SULT2B1: variants seen among roughly 807,000 people sequenced by gnomAD.
SULT2B1 encodes the protein sulfotransferase 2B1.
Under a neutral mutation model 33.2 loss-of-function variants are expected in SULT2B1, and 16 were observed. That is an observed-to-expected ratio of 0.48 (90% CI 0.33 to 0.73). SULT2B1 has a LOEUF of 0.73. SULT2B1 is among the 30% of genes least tolerant of loss of function. SULT2B1 has a pLI of 0.02. For missense variants in SULT2B1, 500 were observed against 506.0 expected (o/e 0.99, Z 0.11); for synonymous variants, 186 against 200.5 (o/e 0.93, Z 0.61).
chr19:48,569,400 GATAAATTTT>G (rs1568405877), intron 1 of SULT2B1, among the ~76,000 whole-genome samples: 2 of 7,756 alleles, frequency 2.6e-4, no homozygotes, highest in African/African-American at 9.7e-4. Context: ...ATATATATAT[GATAAATTTT>G]AGATAAATTT....
At chr19:48,585,636 T>C (rs1973550941) in intron 2 of SULT2B1, among the ~76,000 whole-genome samples, 1 of 148,028 alleles carries the variant, frequency 6.8e-6, no homozygotes, top group Non-Finnish European at 1.5e-5. Context: ...GCCATTGCAC[T>C]CCAGCTTGGG....
At chr19:48,594,202 G>C (rs759261952) in intron 5 of SULT2B1, among the ~76,000 whole-genome samples, 1 of 151,932 alleles carries the variant, frequency 6.6e-6, no homozygotes, top group Admixed American at 6.6e-5. Flanking sequence ...TGGAGGTTGC[G>C]GTGAGCCAAG....
rs367805618 is a variant in SULT2B1, at chr19:48,599,413, C to T, written c.*7C>T. 9.0e-6 allele frequency: 14 copies of T among 1,549,822 alleles called. No homozygotes were observed. Among genetic ancestry groups the T allele is most frequent in the South Asian group, 2.4e-5 (2 of 84,080 alleles). On this transcript the variant is annotated 3_prime_UTR_variant, in exon 7 of 7. Transcript: ENST00000201586. The surrounding 1 kb of genome is among the most constrained non-coding windows in gnomAD (Gnocchi z 4.1). ...GCACCCACGACCCTCATAATAAACACGTCGATTCTGTCCAGGTTCCTTGAT... is the reference window on the plus strand; with the variant it reads ...GCACCCACGACCCTCATAATAAACATGTCGATTCTGTCCAGGTTCCTTGAT...
chr19:48,585,226 G>A (rs1350107858), intron 2 of SULT2B1, among the ~76,000 whole-genome samples: 3 of 152,006 alleles, frequency 2.0e-5, no homozygotes, highest in Non-Finnish European at 4.4e-5. Context: ...AGAATTAAAT[G>A]CAATGAATAC....
intron 1 of SULT2B1, among the ~76,000 whole-genome samples, chr19:48,568,117 T>G (rs1973268452): frequency 6.7e-6 from 1 of 149,892 alleles, no homozygotes; most frequent in Admixed American, 6.6e-5. Context: ...TACAAAAAAT[T>G]TAAGAATTAG....
In SULT2B1 at chr19:48,576,032, AC is replaced by A. The variant is rs780199817; in HGVS notation, c.166del (p.Gln56LysfsTer21). Reference protein sequence around the residue: ...SLESISLAENTQDVRDDDIFI... With the variant: ...SLESISLAENXQDVRDDDIFI... ...CGAGAGCATCAGCTTGGCGGAGAAC[AC>A]CCAAGATGTGCGGGACGACGACATC... On this transcript the variant is annotated frameshift_variant, in exon 2 of 7. Coordinates refer to ENST00000201586, the MANE Select transcript of SULT2B1 (RefSeq NM_177973.2). LOFTEE classifies it high-confidence loss of function. 6.2e-6 allele frequency: 10 copies of A among 1,613,552 alleles called. No homozygotes were observed. Among genetic ancestry groups the A allele is most frequent in the African/African-American group, 4.0e-5 (3 of 74,812 alleles).
chr19:48,578,305 A>T (rs1307567746), intron 2 of SULT2B1, among the ~76,000 whole-genome samples: 1 of 151,640 alleles, frequency 6.6e-6, no homozygotes, highest in Non-Finnish European at 1.5e-5. Flanking sequence ...TTTTCAGCCG[A>T]GCACAGTGGC....
chr19:48,596,474 GCTGTGACCTCTGCCCCCT>G (rs1483455399), intron 5 of SULT2B1: 50 of 359,134 alleles, frequency 1.4e-4, no homozygotes, highest in African/African-American at 4.3e-4. Flanking sequence ...TCTGCCCCCT[GCTGTGACCTCTGCCCCCT>G]GCTGTGACCT....
At chr19:48,584,646 T>C (rs1372137320) in intron 2 of SULT2B1, among the ~76,000 whole-genome samples, 1 of 152,228 alleles carries the variant, frequency 6.6e-6, no homozygotes, top group African/African-American at 2.4e-5. Context: ...GGCTTACGCC[T>C]GTAATCCCAG....
At chr19:48,579,665 G>A (rs1973460928) in intron 2 of SULT2B1, among the ~76,000 whole-genome samples, 1 of 137,968 alleles carries the variant, frequency 7.2e-6, no homozygotes, top group African/African-American at 2.7e-5. Context: ...GGAATGCAAT[G>A]GCGCAGTCTC....
chr19:48,570,268 C>T (rs1033617728), intron 1 of SULT2B1, among the ~76,000 whole-genome samples: 7 of 151,892 alleles, frequency 4.6e-5, no homozygotes, highest in African/African-American at 1.5e-4. Flanking sequence ...CAACCTCCAC[C>T]TCCCAGGTTC....
rs1451554141 is a variant in SULT2B1 at position 48,552,406 on chromosome 19, G to T, written c.71+83G>T. ...GGGAGCCGGGGACTGTGGCAAGGGT[G>T]GCCTCCAGCCACCCGCAGCCGCAGG... On this transcript the variant is annotated intron_variant, in intron 1 of 6. Transcript: ENST00000201586. The surrounding 1 kb of genome is among the most constrained non-coding windows in gnomAD (Gnocchi z 4.8). 17 of 1,474,640 alleles carry T rather than the reference G, an allele frequency of 1.2e-5. No homozygotes were observed. The Admixed American group carries it at 3.3e-4, about 29-fold the overall frequency. 91.3% of individuals were successfully genotyped at this position (1,474,640 alleles called of 1,614,324 possible).
chr19:48,576,278 A>C (rs1176666317), intron 2 of SULT2B1, among the ~76,000 whole-genome samples, 195 bp downstream of exon 2: 1 of 150,976 alleles, frequency 6.6e-6, no homozygotes, highest in Non-Finnish European at 1.5e-5. Context: ...GTCAGTTCTC[A>C]ACACTTCACC....
intron 1 of SULT2B1, among the ~76,000 whole-genome samples, chr19:48,558,924 G>A (rs1001989466): frequency 6.6e-6 from 1 of 152,034 alleles, no homozygotes; most frequent in African/African-American, 2.4e-5. Context: ...GACCTCGGAT[G>A]ATCCACCCGC....
chr19:48,555,309 C>CGG (rs1490973964), intron 1 of SULT2B1, among the ~76,000 whole-genome samples: 1 of 152,106 alleles, frequency 6.6e-6, no homozygotes, highest in African/African-American at 2.4e-5. Flanking sequence ...CCAGGCTGTT[C>CGG]TCGAACTCCT....
intron 2 of SULT2B1, among the ~76,000 whole-genome samples, chr19:48,577,797 G>A (rs2147613669): frequency 6.6e-6 from 1 of 152,320 alleles, no homozygotes; most frequent in Non-Finnish European, 1.5e-5. Context: ...AAAGAAGGCT[G>A]CAACTCTCCA....
chr19:48,579,753 C>A (rs1411660377), intron 2 of SULT2B1, among the ~76,000 whole-genome samples: 4 of 151,514 alleles, frequency 2.6e-5, no homozygotes, highest in Non-Finnish European at 4.4e-5. Context: ...ATTACAGGCA[C>A]CTGCCACCAC....
At chr19:48,558,662 CTTTTT>C in intron 1 of SULT2B1, among the ~76,000 whole-genome samples, 1 of 143,348 alleles carries the variant, frequency 7.0e-6, no homozygotes, top group South Asian at 2.2e-4. Context: ...GCTGCTTTTT[CTTTTT>C]TCTTTTCTTT....
chr19:48,596,819 A>G lies in SULT2B1; in HGVS notation c.726A>G (p.Ala242=), dbSNP rs776545829. ...AGGAGGCACTGGGCTCCGTCGTGGC[A>G]CACTCAACCTTCAGCGCCATGAAGG... ...LGKEALGSVV[A]HSTFSAMKAN... The change falls in exon 6 of 7, where the codon GCA becomes GCG. Residue 242 remains alanine, a synonymous_variant. Transcript: ENST00000201586. The G allele has an allele frequency of 6.8e-6, 11 of 1,609,954 alleles. No homozygotes were observed. In the African/African-American group the frequency reaches 1.5e-4, roughly 21 times the overall value.
Sources: gnomAD v4.1 joint callset for allele counts (sites outside exome capture counted in the v4.1 genomes callset) on GRCh38, gnomAD v4.1.1 for gene constraint, Gnocchi (gnomAD v3.1) non-coding constraint, MANE v1.5 for transcripts, NCBI Gene and HGNC (gene_info 2026-07-23, HGNC 2026-07-21) for gene names.